The following DUOXA2 variants were observed in gnomAD, a reference collection of about 807,000 sequenced individuals.
DUOXA2 encodes dual oxidase maturation factor 2.
In DUOXA2, 22 loss-of-function variants were observed where a neutral mutation model predicts 27.6. That is an observed-to-expected ratio of 0.80 (90% confidence interval 0.57 to 1.14). The LOEUF is 1.14. Among genes scored for constraint, DUOXA2 ranks in the 50% most tolerant of loss-of-function variants. The probability of loss-of-function intolerance (pLI) is 0.00; values close to 1 mark genes in which losing one functional copy is unlikely to be tolerated. For missense variants in DUOXA2, 481 were observed against 419.9 expected, an observed-to-expected ratio of 1.15 and a Z score of -1.27; for synonymous variants, 188 against 184.4, an observed-to-expected ratio of 1.02 and a Z score of -0.16.
chr15:45,118,300 C>T lies in DUOXA2; in HGVS notation c.*391C>T. ...CTACCAGAGCTAGCATCTTTCTGAA[C>T]CACCCCAGGGGGACGTTAGGTGGCA... is the stretch of plus-strand genomic sequence containing the variant. On this transcript the variant is annotated 3_prime_UTR_variant, in exon 6 of 6. Transcript: ENST00000323030. 7.7e-7 allele frequency: 1 copy of T among 1,306,396 alleles called. No individual in the cohort carries two copies. The highest frequency in any genetic ancestry group is 9.7e-7 in the Non-Finnish European group (1 of 1,030,260). 80.9% of individuals were successfully genotyped at this position (1,306,396 alleles called of 1,614,324 possible). A position where few individuals can be genotyped will look rare whatever the true frequency, so the allele number is the denominator to read the frequency against.
At chr15:45,117,011 G>C in intron 4 of DUOXA2, 80 bp from the exon 5 acceptor site, 1 of 1,492,070 alleles carries the variant, frequency 6.7e-7, no homozygotes, top group Non-Finnish European at 9.1e-7. Flanking sequence ...CTGGGGTAGG[G>C]ATAAAGAAGA....
chr15:45,116,019 G>A (rs1595533213), intron 2 of DUOXA2, 105 bp from the exon 3 acceptor site: 1 of 1,597,470 alleles, frequency 6.3e-7, no homozygotes, highest in East Asian at 2.2e-5. Flanking sequence ...CAACCACATT[G>A]GACCTCTAAG....
chr15:45,115,854 T>A lies in DUOXA2; in HGVS notation c.203T>A (p.Val68Glu), dbSNP rs1894604446. 1.2e-6 allele frequency: 2 copies of A among 1,614,006 alleles called. No individual in the cohort carries two copies. The highest frequency in any genetic ancestry group is 1.7e-6 in the Non-Finnish European group (2 of 1,179,994). ...LLSLFIGAEI[V>E]AVHFSAEWFV... is the part of the protein sequence containing the mutation. ...AGTCTGTTCATAGGCGCAGAAATTGTGGGTGAGTGTGTGGTGCAGCCCATG... is the reference window on the plus strand; with the variant it reads ...AGTCTGTTCATAGGCGCAGAAATTGAGGGTGAGTGTGTGGTGCAGCCCATG... Residue 68 changes from valine (V) to glutamate (E), a missense_variant and splice_region_variant, in exon 2 of 6, where the codon GTG becomes GAG. Val to Glu is a moderately radical substitution (Grantham distance 121). Transcript: ENST00000323030.
rs941785937 is a variant in DUOXA2, at chr15:45,114,502, C to T, written c.-104C>T. On this transcript the variant is annotated 5_prime_UTR_variant, in exon 1 of 6. Transcript: ENST00000323030. ...CTTCACCAGCCCACTCGGTCCCAGC[C>T]TTGTACGCAAAGAGACGCCAAGGAC... 2.0e-6 allele frequency: 3 copies of T among 1,526,196 alleles called. No individual in the cohort carries two copies. The African/African-American group carries it at 4.1e-5, about 21-fold the overall frequency. The allele number at this position is 1,526,196 out of a possible 1,614,324, so 94.5% of individuals were successfully genotyped here.
chr15:45,117,073 C>T lies in DUOXA2; in HGVS notation c.555-18C>T, dbSNP rs955152. On this transcript the variant is annotated intron_variant, in intron 4 of 5. Transcript: ENST00000323030. Reference sequence around the variant, plus strand: ...TGGGAGAAGCCCGCTCACAGCGGGTCCCCCCACTCCCCGGCAGGGTGGCGT... The same window carrying T: ...TGGGAGAAGCCCGCTCACAGCGGGTTCCCCCACTCCCCGGCAGGGTGGCGT... 0.87 allele frequency: 1,385,771 copies of T among 1,596,472 alleles called. 618,797 individuals are homozygous for T. The highest frequency in any genetic ancestry group is 0.91 in the South Asian group (82,466 of 90,796).
At position 45,114,618 on chromosome 15, in the gene DUOXA2, A is replaced by G. The variant is rs1486208763; in HGVS notation, c.13A>G (p.Asn5Asp). 6.2e-7 allele frequency: 1 copy of G among 1,614,068 alleles called. No individual in the cohort carries two copies. The highest frequency in any genetic ancestry group is 8.5e-7 in the Non-Finnish European group (1 of 1,179,998). MTLW[N>D]GVLPFYPQPR... is the part of the protein sequence containing the mutation. The stretch of plus-strand genomic sequence containing the variant: ...GCCGGCGTGCAGCATGACCCTGTGG[A>G]ACGGCGTACTGCCTTTTTACCCCCA... Residue 5 changes from asparagine (N) to aspartate (D), a missense_variant, in exon 1 of 6, where the codon AAC becomes GAC. Asn to Asp is a conservative substitution (Grantham distance 23). Coordinates refer to ENST00000323030, the MANE Select transcript of DUOXA2 (RefSeq NM_207581.4).
rs778565896 is a variant in DUOXA2 at position 45,116,772 on chromosome 15, A to G, written c.554+43A>G. ...GGCTGTGTGCACGTGTGTGTGTGCC[A>G]GGAGCTGGGCCGTATGAGCGGGAGG... On this transcript the variant is annotated intron_variant, in intron 4 of 5. Coordinates refer to ENST00000323030, the MANE Select transcript of DUOXA2 (RefSeq NM_207581.4). The G allele has an allele frequency of 4.4e-6, 7 of 1,601,978 alleles. No individual in the cohort carries two copies. The South Asian group carries it at 7.8e-5, about 18-fold the overall frequency.
chr15:45,116,771 C>A (rs1430436908), intron 4 of DUOXA2, 42 bp downstream of exon 4: 1 of 1,602,152 alleles, frequency 6.2e-7, no homozygotes, highest in East Asian at 2.2e-5. Flanking sequence ...GTGTGTGTGC[C>A]AGGAGCTGGG....
rs535889082 is a variant in DUOXA2, at chr15:45,114,477, C to G, written c.-129C>G. Reference sequence around the variant, plus strand: ...TTAACGGAGAGGTGCAGGACTCAGACTTCACCAGCCCACTCGGTCCCAGCC... The same window carrying G: ...TTAACGGAGAGGTGCAGGACTCAGAGTTCACCAGCCCACTCGGTCCCAGCC... On this transcript the variant is annotated 5_prime_UTR_variant, in exon 1 of 6. Coordinates refer to ENST00000323030, the MANE Select transcript of DUOXA2 (RefSeq NM_207581.4). 20 of 1,328,584 alleles carry G rather than the reference C, an allele frequency of 1.5e-5. No homozygotes were observed. In the South Asian group the frequency reaches 2.5e-4, roughly 17 times the overall value. The allele number at this position is 1,328,584 out of a possible 1,614,324, so 82.3% of individuals were successfully genotyped here.
Position 45,114,381 on chromosome 15 carries a change from C to T in DUOXA2, c.-225C>T, listed in dbSNP as rs565106289. The T allele has an allele frequency of 1.3e-5, 8 of 605,534 alleles. No homozygotes were observed. Among genetic ancestry groups the T allele is most frequent in the African/African-American group, 1.3e-4 (7 of 54,064 alleles). The allele number at this position is 605,534 out of a possible 1,614,324, so 37.5% of individuals were successfully genotyped here. Reference sequence around the variant, plus strand: ...GGCTACAGACAGTGAGAAATAGTTTCGCTCGCCGGCTAGAAAAACTCTGTC... The same window carrying T: ...GGCTACAGACAGTGAGAAATAGTTTTGCTCGCCGGCTAGAAAAACTCTGTC... On this transcript the variant is annotated 5_prime_UTR_variant, in exon 1 of 6. Transcript: ENST00000323030.
Position 45,118,043 on chromosome 15 carries a change from G to C in DUOXA2, c.*134G>C, listed in dbSNP as rs1299078806. The C allele has an allele frequency of 6.3e-7, 1 of 1,592,708 alleles. No individual in the cohort carries two copies. The highest frequency in any genetic ancestry group is 1.7e-5 in the Admixed American group (1 of 57,822). On this transcript the variant is annotated 3_prime_UTR_variant, in exon 6 of 6. Transcript: ENST00000323030. ...GGCGCGAGGCCTCGGACATCCGCAG[G>C]CACCAGGGAAAGTCTCCTGGGGCGA... is the stretch of plus-strand genomic sequence containing the variant.
rs773727408 is a variant in DUOXA2, at chr15:45,116,689, C to A, written c.514C>A (p.Gln172Lys). Residue 172 changes from glutamine (Q) to lysine (K), a missense_variant, in exon 4 of 6, where the codon CAG (glutamine) becomes AAG (lysine). Transcript: ENST00000323030. ...GAGTAGCCCTTGCGGCCTGTACCAC[C>A]AGTACCACCTGGCGGGACACTACGC... Reference protein sequence around the residue: ...TPSSPCGLYHQYHLAGHYASA... With the variant: ...TPSSPCGLYHKYHLAGHYASA... 4 of 1,613,690 alleles carry A rather than the reference C, an allele frequency of 2.5e-6. No individual in the cohort carries two copies. In the East Asian group the frequency reaches 8.9e-5, roughly 36 times the overall value.
chr15:45,116,246 A>G lies in DUOXA2; in HGVS notation c.328A>G (p.Ile110Val), dbSNP rs767370137. 1 of 1,613,808 alleles carries G rather than the reference A, an allele frequency of 6.2e-7. No homozygotes were observed. Among genetic ancestry groups the G allele is most frequent in the Non-Finnish European group, 8.5e-7 (1 of 1,179,940 alleles). ...RLLVGLEGIN[I>V]TLTGTPVHQL... Reference sequence around the variant, plus strand: ...GCTCGTGGGCCTGGAGGGCATTAATATTACACTCACAGGTGAGGGGGCTGG... The same window carrying G: ...GCTCGTGGGCCTGGAGGGCATTAATGTTACACTCACAGGTGAGGGGGCTGG... Residue 110 changes from isoleucine (I) to valine (V), a missense_variant, in exon 3 of 6, where the codon ATT becomes GTT. Coordinates refer to ENST00000323030, the MANE Select transcript of DUOXA2 (RefSeq NM_207581.4).
chr15:45,116,791 C>T, intron 4 of DUOXA2, 62 bp downstream of exon 4: 1 of 1,573,466 alleles, frequency 6.4e-7, no homozygotes, highest in South Asian at 1.1e-5. Flanking sequence ...GCCGTATGAG[C>T]GGGAGGATGC....
At position 45,116,237 on chromosome 15, in the gene DUOXA2, G is replaced by C. The variant is rs1441454699; in HGVS notation, c.319G>C (p.Gly107Arg). 1 of 1,613,998 alleles carries C rather than the reference G, an allele frequency of 6.2e-7. No homozygotes were observed. The highest frequency in any genetic ancestry group is 8.5e-7 in the Non-Finnish European group (1 of 1,179,962). The change falls in exon 3 of 6, where the codon GGC becomes CGC. Residue 107 changes from glycine to arginine, a missense_variant. By Grantham distance (125) the Gly-to-Arg change is moderately radical (BLOSUM62 -2). Coordinates refer to ENST00000323030, the MANE Select transcript of DUOXA2 (RefSeq NM_207581.4). ...ARVRLLVGLEGINITLTGTPV... is the reference protein window; with the variant it reads ...ARVRLLVGLERINITLTGTPV... ...TGTCCGTCTGCTCGTGGGCCTGGAG[G>C]GCATTAATATTACACTCACAGGTGA...
chr15:45,115,455 T>C (rs750732512), intron 1 of DUOXA2: 1 of 527,470 alleles, frequency 1.9e-6, no homozygotes, highest in Non-Finnish European at 3.7e-6. Context: ...CTAGCACTTC[T>C]GGACTCACTG....
intron 2 of DUOXA2, 32 bp from the exon 3 acceptor site, chr15:45,116,092 A>AAACC: frequency 6.2e-7 from 1 of 1,606,792 alleles, no homozygotes; most frequent in Non-Finnish European, 8.5e-7. Flanking sequence ...TCCCACCCTC[A>AAACC]TCCCACCCCC....
At chr15:45,114,979 G>T (rs1398953202) in intron 1 of DUOXA2, among the ~76,000 whole-genome samples, 1 of 152,188 alleles carries the variant, frequency 6.6e-6, no homozygotes, top group African/African-American at 2.4e-5. Flanking sequence ...GGGTCCTTGG[G>T]AAGGCTGCTG....
rs1894547192 is a variant in DUOXA2, at chr15:45,114,400, C to T, written c.-206C>T. On this transcript the variant is annotated 5_prime_UTR_variant, in exon 1 of 6. Transcript: ENST00000323030. ...TAGTTTCGCTCGCCGGCTAGAAAAACTCTGTCGGTACCAACCCCAGAGCGT... is the reference window on the plus strand; with the variant it reads ...TAGTTTCGCTCGCCGGCTAGAAAAATTCTGTCGGTACCAACCCCAGAGCGT... The T allele has an allele frequency of 1.4e-5, 9 of 636,506 alleles. No individual in the cohort carries two copies. The highest frequency in any genetic ancestry group is 2.9e-5 in the Admixed American group (1 of 35,074). 39.4% of individuals were successfully genotyped at this position (636,506 alleles called of 1,614,324 possible).
Sources: allele counts gnomAD v4.1 joint callset (sites outside exome capture counted in the v4.1 genomes callset), GRCh38; gene constraint gnomAD v4.1.1; transcripts MANE v1.5; gene names NCBI Gene and HGNC (gene_info 2026-07-23, HGNC 2026-07-21).